Variants in KIAA0513 observed in about 807,000 individuals in gnomAD.
The protein encoded by KIAA0513 is KIAA0513.
Under a neutral mutation model 56.5 loss-of-function variants are expected in KIAA0513, and 39 were observed. That is an observed-to-expected ratio of 0.69 (90% CI 0.53 to 0.90). The LOEUF (loss-of-function observed/expected upper bound fraction) is 0.90, where lower values mean the gene tolerates loss of function less well. Among genes scored for constraint, KIAA0513 ranks in the 40% least tolerant of loss-of-function variants. The probability of loss-of-function intolerance (pLI) is 0.00; values close to 1 mark genes in which losing one functional copy is unlikely to be tolerated. For synonymous variants in KIAA0513, 268 were observed against 215.6 expected, an observed-to-expected ratio of 1.24 and a Z score of -2.13; for missense variants, 591 against 535.2, an observed-to-expected ratio of 1.10 and a Z score of -1.03.
chr16:85,053,343 G>A (rs912688428), intron 1 of KIAA0513, among the ~76,000 whole-genome samples: 1 of 152,232 alleles, frequency 6.6e-6, no homozygotes, highest in Non-Finnish European at 1.5e-5. Flanking sequence ...TTTAGACCCA[G>A]CGCATTGCTG....
At chr16:85,082,317 C>T (rs1383338606) in intron 9 of KIAA0513, among the ~76,000 whole-genome samples, 12 of 152,044 alleles carry the variant, frequency 7.9e-5, no homozygotes, top group African/African-American at 2.4e-4. Context: ...CGAGGAGCCT[C>T]GAGAGACCCC....
chr16:85,028,904 C>T (rs904618629), intron 1 of KIAA0513, among the ~76,000 whole-genome samples: 1 of 152,132 alleles, frequency 6.6e-6, no homozygotes, highest in Non-Finnish European at 1.5e-5. Flanking sequence ...AGCCAGCCTG[C>T]GACTCGATGT....
chr16:85,089,380 C>T lies in KIAA0513; in HGVS notation c.*1055C>T, dbSNP rs1314247472. ...AGCATTGGGCCCCTTCCCCACCAGA[C>T]CTTTGTAGCTCCTCCAGCCTCTGCA... On this transcript the variant is annotated 3_prime_UTR_variant, in exon 13 of 13. Coordinates refer to ENST00000683363, the MANE Select transcript of KIAA0513 (RefSeq NM_001388359.1). This position sits in a 1 kb window ranked among gnomAD's most constrained non-coding sequence, Gnocchi z 4.2. 1 of 152,956 alleles carries T rather than the reference C, an allele frequency of 6.5e-6. No individual in the cohort carries two copies. The highest frequency in any genetic ancestry group is 1.9e-4 in the East Asian group (1 of 5,204). 9.5% of individuals were successfully genotyped at this position (152,956 alleles called of 1,614,324 possible).
intron 1 of KIAA0513, among the ~76,000 whole-genome samples, chr16:85,061,075 C>T (rs1213789702): frequency 6.6e-6 from 1 of 151,798 alleles, no homozygotes; most frequent in Admixed American, 6.6e-5. Flanking sequence ...ATTGCTTGAA[C>T]CCGGGAGGCG....
intron 8 of KIAA0513, chr16:85,079,719 C>T (rs2073714582): frequency 6.6e-6 from 1 of 152,230 alleles, no homozygotes; most frequent in Non-Finnish European, 1.5e-5. Context: ...ATGGTGGTGG[C>T]TGCACAACTC....
chr16:85,071,964 A>T, intron 3 of KIAA0513, 82 bp downstream of exon 3: 1 of 911,136 alleles, frequency 1.1e-6, no homozygotes, highest in East Asian at 2.5e-5. Flanking sequence ...ACTTTATCCT[A>T]CAATGACACT....
At chr16:85,031,342 G>GGT (rs1780754579) in intron 1 of KIAA0513, among the ~76,000 whole-genome samples, 1 of 152,172 alleles carries the variant, frequency 6.6e-6, no homozygotes, top group African/African-American at 2.4e-5. Flanking sequence ...AAATTAGCCA[G>GGT]GTGTGGTGGT....
intron 1 of KIAA0513, among the ~76,000 whole-genome samples, chr16:85,049,547 ATAG>A: frequency 6.6e-6 from 1 of 152,132 alleles, no homozygotes; most frequent in Non-Finnish European, 1.5e-5. Flanking sequence ...TGTCCTCGAG[ATAG>A]CGAGTTCTCA....
At chr16:85,042,259 A>G (rs553517807) in intron 1 of KIAA0513, among the ~76,000 whole-genome samples, 1 of 152,312 alleles carries the variant, frequency 6.6e-6, no homozygotes, top group African/African-American at 2.4e-5. Flanking sequence ...AGAAGTTCAA[A>G]TGCTTTGGAT....
chr16:85,067,383 G>A lies in KIAA0513; in HGVS notation c.312G>A (p.Glu104=). 1.2e-6 allele frequency: 2 copies of A among 1,602,804 alleles called. No homozygotes were observed. Among genetic ancestry groups the A allele is most frequent in the East Asian group, 2.2e-5 (1 of 44,878 alleles). ...GGGACTTCATGCGTGGCTACGTGGA[G>A]AAGATCTTCTCTGGAGGGTAAGGGG... ...ALRDFMRGYV[E]KIFSGGEDLD... is the part of the protein sequence containing the mutation. Residue 104 remains glutamate, a synonymous_variant, in exon 2 of 13, where the codon GAG becomes GAA. Coordinates refer to ENST00000683363, the MANE Select transcript of KIAA0513 (RefSeq NM_001388359.1).
In KIAA0513 at chr16:85,093,819, G is replaced by C. The variant is rs2073894960; in HGVS notation, c.*5494G>C. 2 of 152,300 alleles carry C rather than the reference G, an allele frequency of 1.3e-5. No individual in the cohort carries two copies. The highest frequency in any genetic ancestry group is 1.5e-5 in the Non-Finnish European group (1 of 68,086). 9.4% of individuals were successfully genotyped at this position (152,300 alleles called of 1,614,324 possible). A position where few individuals can be genotyped will look rare whatever the true frequency, so the allele number is the denominator to read the frequency against. ...AACACTAGGAAAAGCTAGAAATTCA[G>C]ACAACACACATGGATCCCCTTAAAA... On this transcript the variant is annotated 3_prime_UTR_variant, in exon 13 of 13. Transcript: ENST00000683363.
chr16:85,061,656 A>G (rs1377941713), intron 1 of KIAA0513, among the ~76,000 whole-genome samples: 1 of 152,216 alleles, frequency 6.6e-6, no homozygotes, highest in Non-Finnish European at 1.5e-5. Flanking sequence ...CTGATTGCCC[A>G]AGGCCAACCT....
At chr16:85,029,107 G>A (rs2072928149) in intron 1 of KIAA0513, among the ~76,000 whole-genome samples, 1 of 152,202 alleles carries the variant, frequency 6.6e-6, no homozygotes, top group Admixed American at 6.5e-5. Flanking sequence ...CTCTTTGGCT[G>A]TCACTTGTTT....
chr16:85,071,810 C>T lies in KIAA0513; in HGVS notation c.357C>T (p.Ala119=), dbSNP rs774128597. ...GGEDLDQEEK[A]KFGEYCSSEN... is the part of the protein sequence containing the mutation. ...AGGACTTGGATCAGGAGGAGAAAGC[C>T]AAGTTTGGAGAGTACTGCAGCAGTG... Residue 119 remains alanine (A), a synonymous_variant, in exon 3 of 13, where the codon GCC becomes GCT. Transcript: ENST00000683363. The T allele has an allele frequency of 2.5e-6, 4 of 1,608,164 alleles. No individual in the cohort carries two copies. In the Admixed American group the frequency reaches 6.7e-5, roughly 27 times the overall value.
Position 85,058,619 on chromosome 16 carries a change from T to TCCAG in KIAA0513, c.-172-8278_-172-8275dup, listed in dbSNP as rs201621391. 8.2e-3 allele frequency among the ~76,000 whole-genome samples: 1,210 copies of TCCAG among 147,054 alleles called. 13 individuals are homozygous for TCCAG. The highest frequency in any genetic ancestry group is 0.029 in the African/African-American group (1,159 of 39,844). ...GTGAGCCAAGATTGCTCCACTGCGCTCCAGCCTGGGCAACAAGAGCGGAAC... is the reference window on the plus strand; with the variant it reads ...GTGAGCCAAGATTGCTCCACTGCGCTCCAGCCAGCCTGGGCAACAAGAGCGGAAC... On this transcript the variant is annotated intron_variant, in intron 1 of 12. Transcript: ENST00000683363.
intron 1 of KIAA0513, among the ~76,000 whole-genome samples, chr16:85,059,800 C>G (rs1162453079): frequency 1.3e-5 from 2 of 152,200 alleles, no homozygotes; most frequent in African/African-American, 4.8e-5. Context: ...AGGACCATAA[C>G]CTATTTCCCC....
chr16:85,059,394 G>C (rs1042036630), intron 1 of KIAA0513, among the ~76,000 whole-genome samples: 2 of 152,220 alleles, frequency 1.3e-5, no homozygotes, highest in African/African-American at 4.8e-5. Context: ...AGCCCCTTGA[G>C]CTGTGCCTCA....
In KIAA0513 at chr16:85,090,732, G is replaced by A. The variant is rs116442430; in HGVS notation, c.*2407G>A. The A allele has an allele frequency of 2.0e-5, 3 of 152,416 alleles. No homozygotes were observed. The highest frequency in any genetic ancestry group is 7.2e-5 in the African/African-American group (3 of 41,586). 9.4% of individuals were successfully genotyped at this position (152,416 alleles called of 1,614,324 possible). On this transcript the variant is annotated 3_prime_UTR_variant, in exon 13 of 13. Coordinates refer to ENST00000683363, the MANE Select transcript of KIAA0513 (RefSeq NM_001388359.1). ...CTCCATCCACACAGGATGCCGGAGA[G>A]ACAGCCCCTTGTGCTGTGAGCAGAG...
chr16:85,083,772 A>G, intron 10 of KIAA0513, among the ~76,000 whole-genome samples: 1 of 152,148 alleles, frequency 6.6e-6, no homozygotes, highest in East Asian at 1.9e-4. Context: ...AAGGCTGAAT[A>G]TTGCTTTGAG....
Sources: gnomAD v4.1 joint callset for allele counts (sites outside exome capture counted in the v4.1 genomes callset) on GRCh38, gnomAD v4.1.1 for gene constraint, Gnocchi (gnomAD v3.1) non-coding constraint, MANE v1.5 for transcripts, NCBI Gene and HGNC (gene_info 2026-07-23, HGNC 2026-07-21) for gene names.